The following CPQ variants were observed in gnomAD, a reference collection of about 807,000 sequenced individuals.
The protein encoded by CPQ is carboxypeptidase Q.
A neutral mutation model predicts 45.7 loss-of-function variants in CPQ; 37 were observed. That is an observed-to-expected ratio of 0.81 (90% CI 0.62 to 1.07). The LOEUF (loss-of-function observed/expected upper bound fraction) is 1.07. Among genes scored for constraint, CPQ ranks in the 50% least tolerant of loss-of-function variants. CPQ has a pLI of 0.00. For missense variants in CPQ, 537 were observed against 572.9 expected, an observed-to-expected ratio of 0.94 and a Z score of 0.64; for synonymous variants, 186 against 205.8, an observed-to-expected ratio of 0.90 and a Z score of 0.82.
chr8:97,102,485 G>T (rs960940768), intron 7 of CPQ, among the ~76,000 whole-genome samples: 7 of 152,108 alleles, frequency 4.6e-5, no homozygotes, highest in African/African-American at 1.4e-4. Context: ...TTACAACATT[G>T]GCAATAGTGC....
chr8:96,880,056 G>A (rs1209341609), intron 4 of CPQ, 51 bp downstream of exon 4: 1 of 1,497,106 alleles, frequency 6.7e-7, no homozygotes, highest in Non-Finnish European at 9.3e-7. Flanking sequence ...GGTCTAGTTT[G>A]AGTTATTAGA....
intron 5 of CPQ, among the ~76,000 whole-genome samples, chr8:97,000,760 T>C (rs528738327): frequency 6.6e-6 from 1 of 152,278 alleles, no homozygotes; most frequent in Non-Finnish European, 1.5e-5. Flanking sequence ...AAATAAATTG[T>C]TTTAGTTCTG....
intron 3 of CPQ, among the ~76,000 whole-genome samples, chr8:96,850,584 T>TTTTATTTTA (rs1554572915): frequency 1.8e-4 from 25 of 136,634 alleles, no homozygotes; most frequent in African/African-American, 5.2e-4. Flanking sequence ...TTTTATTTTA[T>TTTTATTTTA]TTTATTTATT....
chr8:97,057,239 T>G (rs1487285035), intron 6 of CPQ, among the ~76,000 whole-genome samples: 1 of 152,188 alleles, frequency 6.6e-6, no homozygotes, highest in African/African-American at 2.4e-5. Context: ...TTTTGCTTCC[T>G]GAAAAAACAC....
intron 6 of CPQ, among the ~76,000 whole-genome samples, chr8:97,043,286 T>A (rs1810166412): frequency 2.0e-5 from 3 of 151,550 alleles, no homozygotes; most frequent in Admixed American, 2.0e-4. Flanking sequence ...AAAGTCTGTT[T>A]TATCAGAGAC....
chr8:96,646,829 C>T (rs1043719140), intron 1 of CPQ, among the ~76,000 whole-genome samples: 2 of 152,198 alleles, frequency 1.3e-5, no homozygotes, highest in African/African-American at 4.8e-5. Flanking sequence ...AGCATTTTGT[C>T]TCTGCTCTCT....
intron 4 of CPQ, among the ~76,000 whole-genome samples, chr8:96,923,766 A>G (rs1467049096): frequency 6.6e-6 from 1 of 152,192 alleles, no homozygotes; most frequent in African/African-American, 2.4e-5. Context: ...TTGTTAGGTA[A>G]TTCCAGGAAG....
intron 2 of CPQ, among the ~76,000 whole-genome samples, chr8:96,794,698 T>G (rs1160923522): frequency 6.6e-6 from 1 of 152,206 alleles, no homozygotes; most frequent in East Asian, 1.9e-4. Context: ...TAAAACTGAA[T>G]GCCTTTAACA....
At chr8:96,972,597 C>T (rs1813698198) in intron 5 of CPQ, among the ~76,000 whole-genome samples, 1 of 152,192 alleles carries the variant, frequency 6.6e-6, no homozygotes. Context: ...ACACTCTAAA[C>T]AAAAACACAA....
chr8:96,878,983 CA>C (rs1193421723), intron 3 of CPQ, among the ~76,000 whole-genome samples: 1 of 152,106 alleles, frequency 6.6e-6, no homozygotes, highest in East Asian at 1.9e-4. Flanking sequence ...AGCCACACCT[CA>C]GGGGTGAAAA....
At chr8:96,737,645 C>T (rs555402557) in intron 1 of CPQ, among the ~76,000 whole-genome samples, 155 of 152,198 alleles carry the variant, frequency 1.0e-3, no homozygotes, top group African/African-American at 3.6e-3. Context: ...AGCCCACTGA[C>T]TCAAATGTTA....
At chr8:96,973,501 T>C (rs541666746) in intron 5 of CPQ, among the ~76,000 whole-genome samples, 1 of 152,122 alleles carries the variant, frequency 6.6e-6, no homozygotes, top group African/African-American at 2.4e-5. Flanking sequence ...GACATCCAAA[T>C]ACAAGAAACT....
intron 4 of CPQ, among the ~76,000 whole-genome samples, chr8:96,913,804 GTTAT>G (rs1187768445): frequency 6.6e-6 from 1 of 152,146 alleles, no homozygotes; most frequent in Non-Finnish European, 1.5e-5. Flanking sequence ...AGATATTGTG[GTTAT>G]TTATTTCTTA....
intron 7 of CPQ, among the ~76,000 whole-genome samples, chr8:97,082,375 C>G (rs918414614): frequency 4.0e-5 from 6 of 150,338 alleles, no homozygotes; most frequent in African/African-American, 1.2e-4. Context: ...AGTGACCCAG[C>G]CTGGCTCCAT....
intron 4 of CPQ, among the ~76,000 whole-genome samples, chr8:96,959,029 C>G (rs1413689305): frequency 6.6e-6 from 1 of 152,060 alleles, no homozygotes; most frequent in Admixed American, 6.6e-5. Context: ...CTGTAGACCA[C>G]CTAGTCAGAA....
intron 2 of CPQ, among the ~76,000 whole-genome samples, chr8:96,827,167 T>C (rs890556299): frequency 6.6e-6 from 1 of 152,076 alleles, no homozygotes; most frequent in Non-Finnish European, 1.5e-5. Flanking sequence ...TACAAGGCAA[T>C]GGGTGGGCAT....
chr8:96,785,334 T>C lies in CPQ; in HGVS notation c.433+4T>C. ...AGCATTGGGACTCCTCCAGAAGGTA[T>C]TGTTTGTCTTTTCAGTTTGATTTGT... On this transcript the variant is annotated splice_donor_region_variant and intron_variant, in intron 2 of 7. Transcript: ENST00000220763. The C allele has an allele frequency of 6.3e-7, 1 of 1,575,548 alleles. No individual in the cohort carries two copies.
At chr8:96,917,242 A>G (rs1292900405) in intron 4 of CPQ, among the ~76,000 whole-genome samples, 1 of 152,078 alleles carries the variant, frequency 6.6e-6, no homozygotes, top group Admixed American at 6.6e-5. Context: ...TCCACACAGG[A>G]GATTTATCTA....
At chr8:96,787,340 C>T (rs185029974) in intron 2 of CPQ, among the ~76,000 whole-genome samples, 23 of 151,958 alleles carry the variant, frequency 1.5e-4, no homozygotes, top group East Asian at 5.8e-4. Flanking sequence ...TCCTTTAATT[C>T]GGTGCATTAC....
Sources: gnomAD v4.1 joint callset for allele counts (sites outside exome capture counted in the v4.1 genomes callset) on GRCh38, gnomAD v4.1.1 for gene constraint, MANE v1.5 for transcripts, NCBI Gene and HGNC (gene_info 2026-07-23, HGNC 2026-07-21) for gene names.